Variants in ZNF638 observed in about 807,000 individuals in gnomAD.
ZNF638 encodes zinc finger protein 638.
A neutral mutation model predicts 195.6 loss-of-function variants in ZNF638; 46 were observed. That is an observed-to-expected ratio of 0.24 (90% CI 0.19 to 0.30). ZNF638 has a LOEUF of 0.30. Among genes scored for constraint, ZNF638 ranks in the 10% least tolerant of loss-of-function variants. The pLI is 1.00. For synonymous variants in ZNF638, 845 were observed against 772.0 expected (o/e 1.09, Z -1.57); for missense variants, 2,440 against 2,325.3 (o/e 1.05, Z -1.01).
At chr2:71,344,134 AAAAT>A (rs2078811892) in intron 1 of ZNF638, among the ~76,000 whole-genome samples, 1 of 152,230 alleles carries the variant, frequency 6.6e-6, no homozygotes, top group South Asian at 2.1e-4. Flanking sequence ...CGTCTCAAAA[AAAAT>A]AAAAATAAAA....
chr2:71,365,373 A>T (rs2079179282), intron 5 of ZNF638, 56 bp from the exon 6 acceptor site: 1 of 1,375,714 alleles, frequency 7.3e-7, no homozygotes, highest in African/African-American at 1.5e-5. Context: ...ATGTCATGAG[A>T]TGGCTCCTAC....
intron 1 of ZNF638, among the ~76,000 whole-genome samples, chr2:71,343,113 G>T (rs1228701787): frequency 1.3e-5 from 2 of 152,040 alleles, no homozygotes; most frequent in Non-Finnish European, 2.9e-5. Flanking sequence ...CTCAATTCAA[G>T]CATTTCTGTC....
intron 18 of ZNF638, among the ~76,000 whole-genome samples, chr2:71,405,908 T>A (rs981628435): frequency 6.6e-6 from 1 of 152,180 alleles, no homozygotes; most frequent in East Asian, 1.9e-4. Flanking sequence ...GTAAACGTTA[T>A]GTTGATAGTA....
intron 8 of ZNF638, among the ~76,000 whole-genome samples, chr2:71,377,144 G>T (rs771320456): frequency 1.3e-5 from 2 of 152,040 alleles, no homozygotes; most frequent in Non-Finnish European, 2.9e-5. Context: ...GTGGTGGCAC[G>T]CACCCAGCTG....
At chr2:71,357,205 G>A (rs1372254245) in intron 3 of ZNF638, among the ~76,000 whole-genome samples, 2 of 151,962 alleles carry the variant, frequency 1.3e-5, no homozygotes, top group Non-Finnish European at 2.9e-5. Flanking sequence ...GACTCTTTTG[G>A]TTCAATTTTG....
At chr2:71,331,899 G>T in intron 1 of ZNF638, 24 bp downstream of exon 1, 1 of 986,532 alleles carries the variant, frequency 1.0e-6, no homozygotes, top group Non-Finnish European at 1.2e-6. Flanking sequence ...CCTGTGGGGA[G>T]TAGGGGGTTG....
rs372791427 is a variant in ZNF638, at chr2:71,363,912, T to C, written c.1419-42T>C. The C allele has an allele frequency of 3.8e-6, 6 of 1,563,996 alleles. No homozygotes were observed. The African/African-American group carries it at 8.2e-5, about 21-fold the overall frequency. ...TCATTTATTATCATTTAAATTTACA[T>C]TAAATTGCTGATCACTTTCTTTTCC... On this transcript the variant is annotated intron_variant, in intron 4 of 27. Transcript: ENST00000264447.
chr2:71,376,266 A>G (rs2079421866), intron 8 of ZNF638: 1 of 152,246 alleles, frequency 6.6e-6, no homozygotes, highest in Admixed American at 6.5e-5. Context: ...ATGATGCTGG[A>G]ACAAGAAGGC....
chr2:71,365,782 C>T, intron 6 of ZNF638, 76 bp downstream of exon 6: 1 of 1,364,362 alleles, frequency 7.3e-7, no homozygotes, highest in African/African-American at 1.5e-5. Context: ...AGTGGTGCAA[C>T]AAGCATGGCT....
intron 26 of ZNF638, 43 bp from the exon 27 acceptor site, chr2:71,433,122 T>C: frequency 7.6e-7 from 1 of 1,319,084 alleles, no homozygotes; most frequent in Non-Finnish European, 1.1e-6. Flanking sequence ...CAACTGGAGA[T>C]TAATTATTGT....
intron 23 of ZNF638, 40 bp from the exon 24 acceptor site, chr2:71,426,420 A>G: frequency 6.8e-7 from 1 of 1,464,600 alleles, no homozygotes; most frequent in South Asian, 1.4e-5. Flanking sequence ...CCAGTGGTCA[A>G]AATTTGTTTA....
intron 10 of ZNF638, chr2:71,393,694 C>A: frequency 1.4e-6 from 1 of 699,552 alleles, no homozygotes; most frequent in South Asian, 1.6e-5. Context: ...GCTTCCCCTG[C>A]AACCCGTACC....
At chr2:71,356,767 C>T (rs113586694) in intron 3 of ZNF638, among the ~76,000 whole-genome samples, 17 of 149,616 alleles carry the variant, frequency 1.1e-4, no homozygotes, top group African/African-American at 3.2e-4. Flanking sequence ...CTAGCCTGGG[C>T]GACAGCCTGT....
intron 17 of ZNF638, 41 bp downstream of exon 17, chr2:71,404,039 T>G: frequency 1.3e-6 from 2 of 1,570,400 alleles, no homozygotes; most frequent in Non-Finnish European, 1.7e-6. Context: ...TACTAAGTTT[T>G]TAAATCAGAT....
rs1029260651 is a variant in ZNF638, at chr2:71,431,382, T to G, written c.5706T>G (p.Thr1902=). Residue 1902 remains threonine, a synonymous_variant, in exon 26 of 28, where the codon ACT becomes ACG. Coordinates refer to ENST00000264447, the MANE Select transcript of ZNF638 (RefSeq NM_014497.5). ...DSEPERKRKK[T]EDSSSGKSVA... ...AACCAGAGCGAAAACGCAAGAAGACTGAAGACTCTTCTTCAGGCAAATCAG... is the reference window on the plus strand; with the variant it reads ...AACCAGAGCGAAAACGCAAGAAGACGGAAGACTCTTCTTCAGGCAAATCAG... 3.1e-6 allele frequency: 5 copies of G among 1,613,998 alleles called. No individual in the cohort carries two copies. Among genetic ancestry groups the G allele is most frequent in the Non-Finnish European group, 4.2e-6 (5 of 1,179,948 alleles).
chr2:71,428,373 A>T (rs562476644), intron 24 of ZNF638, among the ~76,000 whole-genome samples, 174 bp from the exon 25 acceptor site: 1 of 152,202 alleles, frequency 6.6e-6, no homozygotes, highest in Non-Finnish European at 1.5e-5. Context: ...CTTAGATTAA[A>T]CTGATTATTT....
chr2:71,388,792 G>C, intron 10 of ZNF638: 1 of 818,106 alleles, frequency 1.2e-6, no homozygotes, highest in Non-Finnish European at 2.1e-6. Context: ...TTCATCATGA[G>C]ACAACAGCTG....
intron 8 of ZNF638, among the ~76,000 whole-genome samples, chr2:71,376,912 C>G (rs147352053): frequency 6.6e-6 from 1 of 152,166 alleles, no homozygotes; most frequent in Non-Finnish European, 1.5e-5. Context: ...ACCAGTAATC[C>G]GATGAAAGCA....
intron 10 of ZNF638, among the ~76,000 whole-genome samples, chr2:71,382,677 T>A (rs2079554383): frequency 6.6e-6 from 1 of 152,204 alleles, no homozygotes; most frequent in Non-Finnish European, 1.5e-5. Context: ...CAAATAGGCA[T>A]GGCTGTCCCC....
Sources: gnomAD v4.1 joint callset for allele counts (sites outside exome capture counted in the v4.1 genomes callset) on GRCh38, gnomAD v4.1.1 for gene constraint, MANE v1.5 for transcripts, NCBI Gene and HGNC (gene_info 2026-07-23, HGNC 2026-07-21) for gene names.